APBA1: variants seen among roughly 807,000 people sequenced by gnomAD.
APBA1 encodes the protein amyloid beta precursor protein binding family A member 1, also known as amyloid-beta A4 precursor protein-binding family A member 1.
A neutral mutation model predicts 86.6 loss-of-function variants in APBA1; 55 were observed. The observed-to-expected ratio is 0.64, with a 90% CI of 0.51 to 0.80. The LOEUF (loss-of-function observed/expected upper bound fraction) is 0.80, where lower values mean the gene tolerates loss of function less well. APBA1 is among the 30% of genes least tolerant of loss of function. APBA1 has a pLI of 0.00. For synonymous variants in APBA1, 511 were observed against 493.9 expected (o/e 1.03, Z -0.46); for missense variants, 1,090 against 1,183.0 (o/e 0.92, Z 1.15).
chr9:69,575,420 C>T (rs1384296745), intron 1 of APBA1, among the ~76,000 whole-genome samples: 1 of 152,132 alleles, frequency 6.6e-6, no homozygotes, highest in African/African-American at 2.4e-5. Context: ...GCCAACAGAA[C>T]AAAGCTGGAG....
intron 1 of APBA1, among the ~76,000 whole-genome samples, chr9:69,574,292 A>C (rs1052780904): frequency 1.3e-5 from 2 of 152,170 alleles, no homozygotes; most frequent in African/African-American, 4.8e-5. Context: ...GAGCATGCCC[A>C]AGTTTGTGAA....
At chr9:69,484,046 CA>C (rs1281568256) in intron 2 of APBA1, among the ~76,000 whole-genome samples, 1 of 151,996 alleles carries the variant, frequency 6.6e-6, no homozygotes, top group Non-Finnish European at 1.5e-5. Flanking sequence ...TTTTTTCCCC[CA>C]AGTAATTTTC....
intron 1 of APBA1, among the ~76,000 whole-genome samples, chr9:69,638,928 A>C (rs1823232314): frequency 6.6e-6 from 1 of 152,194 alleles, no homozygotes; most frequent in African/African-American, 2.4e-5. Context: ...AAATCCATGA[A>C]GTCACATGAA....
intron 2 of APBA1, among the ~76,000 whole-genome samples, chr9:69,484,576 C>G (rs1344119167): frequency 6.6e-6 from 1 of 152,164 alleles, no homozygotes; most frequent in African/African-American, 2.4e-5. Context: ...ATTCAATGTT[C>G]AGCTCAAAAG....
At chr9:69,523,514 T>C (rs570420596) in intron 1 of APBA1, among the ~76,000 whole-genome samples, 1,484 of 29,610 alleles carry the variant, frequency 0.05, 63 homozygotes, top group African/African-American at 0.11. Context: ...TATATATATA[T>C]ATATATATAT....
chr9:69,610,866 T>C (rs1311375655), intron 1 of APBA1, among the ~76,000 whole-genome samples: 1 of 152,190 alleles, frequency 6.6e-6, no homozygotes, highest in Non-Finnish European at 1.5e-5. Flanking sequence ...ATGGTCATAA[T>C]GTGGATCATT....
At chr9:69,623,564 G>C (rs1257705874) in intron 1 of APBA1, among the ~76,000 whole-genome samples, 1 of 152,090 alleles carries the variant, frequency 6.6e-6, no homozygotes, top group Non-Finnish European at 1.5e-5. Flanking sequence ...AATTTTGCAA[G>C]AGCTGGCCCT....
intron 1 of APBA1, among the ~76,000 whole-genome samples, chr9:69,636,931 GAAAGAAAGAAA>G: frequency 7.5e-6 from 1 of 133,970 alleles, no homozygotes; most frequent in Non-Finnish European, 1.6e-5. Flanking sequence ...AGGAAAGAAA[GAAAGAAAGAAA>G]GAAAGAAAGA....
chr9:69,530,755 C>T (rs11139154), intron 1 of APBA1, among the ~76,000 whole-genome samples: 112,149 of 152,006 alleles, frequency 0.74, 41,687 homozygotes, highest in East Asian at 0.91. Flanking sequence ...TTACTGAAGA[C>T]AGCATAGGGA....
At chr9:69,512,372 A>G (rs1836064261) in intron 2 of APBA1, among the ~76,000 whole-genome samples, 1 of 152,200 alleles carries the variant, frequency 6.6e-6, no homozygotes, top group Admixed American at 6.5e-5. Flanking sequence ...AGAAAAAAGC[A>G]CTTAAGTTCT....
intron 3 of APBA1, among the ~76,000 whole-genome samples, chr9:69,473,834 G>A (rs1054508648): frequency 2.6e-5 from 4 of 152,012 alleles, no homozygotes; most frequent in African/African-American, 9.7e-5. Flanking sequence ...CTTAGTCTCT[G>A]GGGTAGTAAA....
At chr9:69,493,980 T>G (rs942889646) in intron 2 of APBA1, among the ~76,000 whole-genome samples, 3 of 151,578 alleles carry the variant, frequency 2.0e-5, no homozygotes, top group Admixed American at 1.3e-4. Flanking sequence ...ATATGATAAG[T>G]TTTTTTTTCT....
intron 1 of APBA1, among the ~76,000 whole-genome samples, chr9:69,618,266 T>G (rs13288998): frequency 0.068 from 10,391 of 152,278 alleles, 449 homozygotes; most frequent in Non-Finnish European, 0.098. Flanking sequence ...GACTCTTCAT[T>G]GGCTCCCTAC....
At chr9:69,568,111 G>A (rs2065414) in intron 1 of APBA1, among the ~76,000 whole-genome samples, 1,865 of 152,320 alleles carry the variant, frequency 0.012, 22 homozygotes, top group Middle Eastern at 0.027. Flanking sequence ...CTACTAAACT[G>A]CCTGGGTAGG....
chr9:69,505,849 C>G (rs1475525256), intron 2 of APBA1, among the ~76,000 whole-genome samples: 1 of 151,820 alleles, frequency 6.6e-6, no homozygotes, highest in Non-Finnish European at 1.5e-5. Flanking sequence ...AAAACCCCGT[C>G]TCTACTAAAA....
At chr9:69,657,106 A>G (rs1473111875) in intron 1 of APBA1, among the ~76,000 whole-genome samples, 3 of 152,154 alleles carry the variant, frequency 2.0e-5, no homozygotes, top group Admixed American at 6.5e-5. Flanking sequence ...CGGCCTCCCA[A>G]GGTGCTGGGA....
intron 1 of APBA1, among the ~76,000 whole-genome samples, chr9:69,645,915 C>T (rs1262318815): frequency 6.6e-6 from 1 of 152,200 alleles, no homozygotes; most frequent in Non-Finnish European, 1.5e-5. Flanking sequence ...CACGTCTCTG[C>T]TTAGCCAGAG....
chr9:69,453,674 A>C (rs1835049306), intron 8 of APBA1, among the ~76,000 whole-genome samples: 1 of 152,238 alleles, frequency 6.6e-6, no homozygotes, highest in Non-Finnish European at 1.5e-5. Context: ...TTCCAATTTT[A>C]GAAAGGTAGC....
intron 1 of APBA1, among the ~76,000 whole-genome samples, chr9:69,533,061 G>C (rs1836457033): frequency 6.6e-6 from 1 of 152,152 alleles, no homozygotes; most frequent in Non-Finnish European, 1.5e-5. Context: ...TGTGTCCTTG[G>C]ATAGAATCCT....
Sources: gnomAD v4.1 joint callset for allele counts (sites outside exome capture counted in the v4.1 genomes callset) on GRCh38, gnomAD v4.1.1 for gene constraint, MANE v1.5 for transcripts, NCBI Gene and HGNC (gene_info 2026-07-23, HGNC 2026-07-21) for gene names.